ACSL3: variants seen among roughly 807,000 people sequenced by gnomAD.
ACSL3 encodes acyl-CoA synthetase long chain family member 3, also known as fatty acid CoA ligase Acsl3.
ACSL3 carries 34 observed loss-of-function variants against 84.7 expected under a neutral mutation model. That is an observed-to-expected ratio of 0.40 (90% confidence interval 0.31 to 0.53). The LOEUF (loss-of-function observed/expected upper bound fraction) is 0.53, where lower values mean the gene tolerates loss of function less well. ACSL3 is among the 20% of genes least tolerant of loss of function. The probability of loss-of-function intolerance (pLI) is 0.48; values close to 1 mark genes in which losing one functional copy is unlikely to be tolerated. For missense variants in ACSL3, 680 were observed against 873.1 expected (o/e 0.78, Z 2.79); for synonymous variants, 315 against 299.4 (o/e 1.05, Z -0.54).
chr2:222,941,025 CTGAG>C (rs995641476), intron 16 of ACSL3, among the ~76,000 whole-genome samples: 22 of 152,256 alleles, frequency 1.4e-4, no homozygotes, highest in Admixed American at 5.2e-4. Context: ...CCTCAGCCTC[CTGAG>C]TAACTGGTAC....
chr2:222,940,389 A>G (rs1208508105), intron 16 of ACSL3, among the ~76,000 whole-genome samples: 2 of 152,108 alleles, frequency 1.3e-5, no homozygotes, highest in Non-Finnish European at 2.9e-5. Context: ...ACCAGGCTCT[A>G]GAGGTGTGGA....
In ACSL3 at chr2:222,863,094, A is replaced by G. The variant is rs373807645; in HGVS notation, c.-207+1836A>G. On this transcript the variant is annotated intron_variant, in intron 1 of 16. Transcript: ENST00000357430. ...CACCTAGAGCCATTTAATTTTTGTG[A>G]TATGTCAGGCACCTTATTAGGTGCT... 6.0e-4 allele frequency among the ~76,000 whole-genome samples: 91 copies of G among 152,238 alleles called. 3 individuals are homozygous for G. The South Asian group carries it at 0.019, about 31-fold the overall frequency.
chr2:222,933,414 T>C (rs1412970869), intron 15 of ACSL3, 134 bp downstream of exon 15: 2 of 593,204 alleles, frequency 3.4e-6, no homozygotes, highest in South Asian at 2.4e-5. Flanking sequence ...ATGGCCTCCT[T>C]CTCATTGCAG....
chr2:222,923,186 GAA>G, intron 10 of ACSL3, 37 bp downstream of exon 10: 6 of 1,493,526 alleles, frequency 4.0e-6, no homozygotes, highest in Non-Finnish European at 5.6e-6. Context: ...GAGTATTAAA[GAA>G]GTATCACCCG....
intron 4 of ACSL3, 83 bp downstream of exon 4, chr2:222,909,233 C>A: frequency 7.3e-7 from 1 of 1,377,862 alleles, no homozygotes; most frequent in Non-Finnish European, 9.9e-7. Flanking sequence ...CACAGCCTGC[C>A]TCCATTAGAA....
At position 222,908,805 on chromosome 2, in the gene ACSL3, C is replaced by T. The variant is rs146044900; in HGVS notation, c.33C>T (p.Thr11=). Residue 11 remains threonine (T), a synonymous_variant, in exon 4 of 17, where the codon ACC becomes ACT. Transcript: ENST00000357430. The part of the protein sequence containing the change: MNNHVSSKPS[T]MKLKHTINPI... ...ACCACGTGTCTTCAAAACCATCTAC[C>T]ATGAAGCTAAAACATACCATCAACC... 6,597 of 1,602,950 alleles carry T rather than the reference C, an allele frequency of 4.1e-3. 38 individuals carry two copies. The highest frequency in any genetic ancestry group is 0.016 in the Middle Eastern group (91 of 5,550).
intron 1 of ACSL3, among the ~76,000 whole-genome samples, chr2:222,876,048 T>C (rs983515069): frequency 2.6e-5 from 4 of 152,220 alleles, no homozygotes; most frequent in Non-Finnish European, 5.9e-5. Flanking sequence ...TGTAGATGTA[T>C]GTGCAAAGTG....
intron 1 of ACSL3, among the ~76,000 whole-genome samples, chr2:222,882,471 AGGCAGT>A (rs1055920688): frequency 1.3e-5 from 2 of 151,616 alleles, no homozygotes; most frequent in African/African-American, 4.9e-5. Context: ...GGGGTCGAGG[AGGCAGT>A]GGGGTGGGGG....
In ACSL3 at chr2:222,941,576, A is replaced by C; in HGVS notation, c.2085A>C (p.Thr695=). ...EPWTPETGLV[T]DAFKLKRKEL... is the part of the protein sequence containing the mutation. Reference sequence around the variant, plus strand: ...GGACCCCTGAAACTGGTCTGGTGACAGATGCCTTCAAGCTGAAACGCAAAG... The same window carrying C: ...GGACCCCTGAAACTGGTCTGGTGACCGATGCCTTCAAGCTGAAACGCAAAG... Residue 695 remains threonine, a synonymous_variant, in exon 17 of 17, where the codon ACA becomes ACC. Transcript: ENST00000357430. The C allele has an allele frequency of 1.9e-6, 3 of 1,613,658 alleles. No homozygotes were observed. The highest frequency in any genetic ancestry group is 2.5e-6 in the Non-Finnish European group (3 of 1,179,842).
Position 222,900,767 on chromosome 2 carries a change from C to A in ACSL3, c.-54C>A, listed in dbSNP as rs1219000182. The A allele has an allele frequency of 6.6e-6, 1 of 152,204 alleles. No homozygotes were observed. The highest frequency in any genetic ancestry group is 1.5e-5 in the Non-Finnish European group (1 of 68,050). 9.4% of individuals were successfully genotyped at this position (152,204 alleles called of 1,614,324 possible). ...GTCCTGTGTCACACCACCTTAGCCT[C>A]TTGATCGAGGAAGGTAAAGAATTAC... On this transcript the variant is annotated 5_prime_UTR_variant, in exon 3 of 17. Coordinates refer to ENST00000357430, the MANE Select transcript of ACSL3 (RefSeq NM_004457.5).
chr2:222,887,689 T>G (rs974243910), intron 1 of ACSL3, 141 bp from the exon 2 acceptor site: 1 of 152,146 alleles, frequency 6.6e-6, no homozygotes, highest in Non-Finnish European at 1.5e-5. Flanking sequence ...GCGTGATAGG[T>G]TGGTGTTTCC....
intron 1 of ACSL3, among the ~76,000 whole-genome samples, chr2:222,863,929 T>C (rs1283045438): frequency 2.0e-5 from 3 of 152,164 alleles, no homozygotes; most frequent in African/African-American, 7.2e-5. Flanking sequence ...AAGTTACTGC[T>C]TTCAAAGAGA....
chr2:222,941,286 A>C (rs1346802777), intron 16 of ACSL3, among the ~76,000 whole-genome samples: 3 of 151,932 alleles, frequency 2.0e-5, no homozygotes, highest in Non-Finnish European at 4.4e-5. Context: ...ATCATATTTT[A>C]TTTAACTCAT....
intron 3 of ACSL3, among the ~76,000 whole-genome samples, chr2:222,903,175 T>C (rs1190706778): frequency 6.6e-6 from 1 of 152,220 alleles, no homozygotes; most frequent in East Asian, 1.9e-4. Flanking sequence ...TCTGGCTTCG[T>C]GGCCCAGGCC....
intron 3 of ACSL3, among the ~76,000 whole-genome samples, chr2:222,901,692 A>G (rs1315019809): frequency 6.6e-6 from 1 of 152,144 alleles, no homozygotes; most frequent in Non-Finnish European, 1.5e-5. Flanking sequence ...CACGCCTGTA[A>G]TCCCAGCACT....
chr2:222,916,207 A>C (rs985370015), intron 4 of ACSL3, 112 bp from the exon 5 acceptor site: 1 of 647,278 alleles, frequency 1.5e-6, no homozygotes, highest in African/African-American at 1.9e-5. Context: ...TAAAAAGATA[A>C]TTCTATGCAA....
intron 1 of ACSL3, among the ~76,000 whole-genome samples, chr2:222,866,396 C>T (rs562548572): frequency 4.1e-4 from 62 of 152,274 alleles, no homozygotes; most frequent in African/African-American, 1.4e-3. Context: ...CCGCCCGCCT[C>T]GCCCTCCCAA....
intron 16 of ACSL3, among the ~76,000 whole-genome samples, chr2:222,937,333 T>A (rs1039410882): frequency 9.2e-5 from 14 of 152,160 alleles, no homozygotes; most frequent in Non-Finnish European, 1.6e-4. Context: ...GTGTGTGTCT[T>A]TAGAGTTTCC....
chr2:222,934,787 C>A, intron 16 of ACSL3, 100 bp downstream of exon 16: 2 of 1,273,474 alleles, frequency 1.6e-6, no homozygotes, highest in Non-Finnish European at 2.2e-6. Context: ...ACTTTCTGCT[C>A]AGAAACCATT....
Sources: allele counts gnomAD v4.1 joint callset (sites outside exome capture counted in the v4.1 genomes callset), GRCh38; gene constraint gnomAD v4.1.1; transcripts MANE v1.5; gene names NCBI Gene and HGNC (gene_info 2026-07-23, HGNC 2026-07-21).